Variants in NPEPPS observed in about 807,000 individuals in gnomAD.
The protein encoded by NPEPPS is aminopeptidase puromycin sensitive, also known as puromycin-sensitive aminopeptidase.
NPEPPS carries 14 observed loss-of-function variants against 115.5 expected under a neutral mutation model. That is an observed-to-expected ratio of 0.12 (90% CI 0.08 to 0.19). The LOEUF (loss-of-function observed/expected upper bound fraction) is 0.19, where lower values mean the gene tolerates loss of function less well. Among genes scored for constraint, NPEPPS ranks in the 10% least tolerant of loss-of-function variants. NPEPPS has a pLI of 1.00. For synonymous variants in NPEPPS, 285 were observed against 390.6 expected, an observed-to-expected ratio of 0.73 and a Z score of 3.19; for missense variants, 523 against 1,110.8, an observed-to-expected ratio of 0.47 and a Z score of 7.52.
intron 1 of NPEPPS, among the ~76,000 whole-genome samples, chr17:47,541,396 G>A (rs1040524151): frequency 3.3e-5 from 5 of 149,372 alleles, no homozygotes; most frequent in Admixed American, 6.7e-5. Flanking sequence ...TTTTTTTTAA[G>A]ATGGAGTCTT....
chr17:47,595,463 G>T (rs1244426604), intron 12 of NPEPPS, among the ~76,000 whole-genome samples: 1 of 152,152 alleles, frequency 6.6e-6, no homozygotes, highest in East Asian at 1.9e-4. Flanking sequence ...CAATTTCTTT[G>T]TTTCTCCTTA....
chr17:47,565,796 G>T (rs1910772768), intron 2 of NPEPPS, among the ~76,000 whole-genome samples: 1 of 151,848 alleles, frequency 6.6e-6, no homozygotes, highest in Non-Finnish European at 1.5e-5. Flanking sequence ...CTCCAGGTTG[G>T]GCAACAGAGT....
chr17:47,547,012 T>A (rs991142919), intron 2 of NPEPPS, among the ~76,000 whole-genome samples: 1 of 152,202 alleles, frequency 6.6e-6, no homozygotes, highest in Non-Finnish European at 1.5e-5. Context: ...TATGTTTTTC[T>A]TAAAGTTTTT....
chr17:47,605,479 A>T lies in NPEPPS; in HGVS notation c.2022A>T (p.Glu674Asp), dbSNP rs371362770. 292 of 1,607,096 alleles carry T rather than the reference A, an allele frequency of 1.8e-4. 1 individual carries two copies. Among genetic ancestry groups the T allele is most frequent in the Non-Finnish European group, 1.8e-4 (206 of 1,176,504 alleles). ...TLLSHTDFYE[E>D]IQEFVKDVFS... The stretch of plus-strand genomic sequence containing the variant: ...TGTCCCACACAGACTTCTATGAGGA[A>T]ATCCAGGAGTTTGTGAAAGATGTCT... The change falls in exon 17 of 23, where the codon GAA becomes GAT. Residue 674 changes from glutamate (E) to aspartate (D), a missense_variant. Physicochemically the swap from Glu to Asp is conservative, Grantham distance 45. Transcript: ENST00000322157.
intron 1 of NPEPPS, among the ~76,000 whole-genome samples, chr17:47,532,506 T>C (rs1464558123): frequency 7.9e-5 from 12 of 151,484 alleles, no homozygotes; most frequent in Admixed American, 3.3e-4. Context: ...ATACAAAAAT[T>C]AGCGGGGCGT....
At chr17:47,580,953 G>A (rs1304180338) in intron 4 of NPEPPS, 4 of 151,860 alleles carry the variant, frequency 2.6e-5, no homozygotes, top group African/African-American at 9.7e-5. Context: ...CGTATAGTGG[G>A]TTCTTTCTTA....
At chr17:47,607,542 TAG>T (rs995452074) in intron 17 of NPEPPS, among the ~76,000 whole-genome samples, 3 of 152,154 alleles carry the variant, frequency 2.0e-5, no homozygotes, top group African/African-American at 7.2e-5. Flanking sequence ...ACATGCTAAT[TAG>T]AGAGTTTTGG....
At chr17:47,599,794 A>G in intron 14 of NPEPPS, 55 bp downstream of exon 14, 8 of 1,344,230 alleles carry the variant, frequency 6.0e-6, no homozygotes, top group Non-Finnish European at 8.3e-6. Flanking sequence ...ATTAACTAAT[A>G]CCAGTAGTAT....
intron 9 of NPEPPS, among the ~76,000 whole-genome samples, chr17:47,588,397 A>G (rs987605072): frequency 1.3e-5 from 2 of 151,876 alleles, no homozygotes; most frequent in Non-Finnish European, 2.9e-5. Context: ...CCCCATCTCC[A>G]CTAAAAAAAA....
chr17:47,560,067 C>T (rs1910331108), intron 2 of NPEPPS, among the ~76,000 whole-genome samples: 2 of 152,202 alleles, frequency 1.3e-5, no homozygotes, highest in Non-Finnish European at 2.9e-5. Context: ...TCATCCTCTT[C>T]TTCATCTTGA....
rs1438391226 is a variant in NPEPPS, at chr17:47,596,432, A to G, written c.1506A>G (p.Gly502=). ...AVMNTWTKQM[G]FPLIYVEAEQ... is the part of the protein sequence containing the mutation. Reference sequence around the variant, plus strand: ...TGAATACCTGGACCAAACAAATGGGATTTCCCCTCATTTATGTGGAAGCTG... The same window carrying G: ...TGAATACCTGGACCAAACAAATGGGGTTTCCCCTCATTTATGTGGAAGCTG... Residue 502 remains glycine, a synonymous_variant, in exon 13 of 23, where the codon GGA becomes GGG. Coordinates refer to ENST00000322157, the MANE Select transcript of NPEPPS (RefSeq NM_006310.4). The G allele has an allele frequency of 1.9e-6, 3 of 1,588,788 alleles. No individual in the cohort carries two copies. In the Admixed American group the frequency reaches 5.3e-5, roughly 28 times the overall value.
upstream of NPEPPS, among the ~76,000 whole-genome samples, chr17:47,529,605 A>T (rs1246262539): frequency 3.6e-5 from 5 of 140,840 alleles, no homozygotes; most frequent in African/African-American, 1.0e-4. Flanking sequence ...GGGTTTCACC[A>T]TATTGGCCAG....
rs771085962 is a variant in NPEPPS at position 47,545,929 on chromosome 17, G to A, written c.276G>A (p.Gln92=). 6 of 1,561,822 alleles carry A rather than the reference G, an allele frequency of 3.8e-6. No homozygotes were observed. The highest frequency in any genetic ancestry group is 3.5e-6 in the Non-Finnish European group (4 of 1,151,192). Residue 92 remains glutamine, a synonymous_variant, in exon 2 of 23, where the codon CAG becomes CAA. Coordinates refer to ENST00000322157, the MANE Select transcript of NPEPPS (RefSeq NM_006310.4). ...AAAQVRQATN[Q]IVMNCADIDI... is the part of the protein sequence containing the mutation. ...CTTAGGTGAGGCAGGCGACTAATCA[G>A]ATTGTGATGAATTGTGCTGATATTG...
intron 5 of NPEPPS, among the ~76,000 whole-genome samples, chr17:47,583,602 A>C (rs760163477): frequency 6.6e-6 from 1 of 151,628 alleles, no homozygotes; most frequent in Non-Finnish European, 1.5e-5. Flanking sequence ...AAAAAAAGAA[A>C]AAGGTCTTGA....
chr17:47,622,093 G>T lies in NPEPPS; in HGVS notation c.*173G>T. 7.9e-7 allele frequency: 1 copy of T among 1,267,270 alleles called. No homozygotes were observed. The highest frequency in any genetic ancestry group is 3.3e-5 in the South Asian group (1 of 30,272). The allele number at this position is 1,267,270 out of a possible 1,614,324, so 78.5% of individuals were successfully genotyped here. ...TCACACTCCAGAATTAAATTCTATTGAAAAAGGAAAATCAGCAATTCAGCA... is the reference window on the plus strand; with the variant it reads ...TCACACTCCAGAATTAAATTCTATTTAAAAAGGAAAATCAGCAATTCAGCA... On this transcript the variant is annotated 3_prime_UTR_variant, in exon 23 of 23. Transcript: ENST00000322157.
intron 16 of NPEPPS, 115 bp downstream of exon 16, chr17:47,604,164 C>A: frequency 1.1e-6 from 1 of 927,096 alleles, no homozygotes; most frequent in Non-Finnish European, 1.6e-6. Context: ...TGGTTAAAAA[C>A]ACCTTTGGGA....
rs898672269 is a variant in NPEPPS, at chr17:47,532,658, C to CAAA, written c.255+1124_255+1126dup. 6.2e-4 allele frequency among the ~76,000 whole-genome samples: 32 copies of CAAA among 51,344 alleles called. 1 individual carries two copies. The highest frequency in any genetic ancestry group is 2.1e-3 in the African/African-American group (26 of 12,450). The allele number at this position is 51,344 out of a possible 152,430, so 33.7% of individuals were successfully genotyped here. On this transcript the variant is annotated intron_variant, in intron 1 of 22. Coordinates refer to ENST00000322157, the MANE Select transcript of NPEPPS (RefSeq NM_006310.4). ...TGGGCGACAGAGTGAGACTCCGTCTCAAAAAAAAAAAAAAAAAAAAAAAGG... is the reference window on the plus strand; with the variant it reads ...TGGGCGACAGAGTGAGACTCCGTCTCAAAAAAAAAAAAAAAAAAAAAAAAAAGG...
intron 1 of NPEPPS, among the ~76,000 whole-genome samples, chr17:47,535,217 T>C (rs1597807561): frequency 1.0e-5 from 1 of 95,938 alleles, no homozygotes. Flanking sequence ...CACTCCAGCC[T>C]GGGCAACAGA....
At chr17:47,603,854 A>G (rs1298254736) in intron 15 of NPEPPS, 61 bp from the exon 16 acceptor site, 4 of 1,488,908 alleles carry the variant, frequency 2.7e-6, no homozygotes, top group Non-Finnish European at 3.7e-6. Context: ...TTAAACATAC[A>G]AAAGGTTGAT....
Sources: allele counts gnomAD v4.1 joint callset (sites outside exome capture counted in the v4.1 genomes callset), GRCh38; gene constraint gnomAD v4.1.1; transcripts MANE v1.5; gene names NCBI Gene and HGNC (gene_info 2026-07-23, HGNC 2026-07-21).